Variants in PCDH7 observed in about 807,000 individuals in gnomAD.
PCDH7 encodes protocadherin 7, also known as protocadherin-7.
Under a neutral mutation model 58.9 loss-of-function variants are expected in PCDH7, and 17 were observed. The ratio of observed to expected loss-of-function variants is 0.29; its 90% CI spans 0.20 to 0.43. PCDH7 has a LOEUF of 0.43. Ranked by LOEUF, PCDH7 falls within the 20% of genes least tolerant of loss-of-function variation. The pLI is 1.00. For synonymous variants in PCDH7, 664 were observed against 616.4 expected (o/e 1.08, Z -1.14); for missense variants, 1,274 against 1,441.0 (o/e 0.88, Z 1.88).
At chr4:31,142,559 C>A (rs549332673) in exon 4 of PCDH7, 2 of 1,367,726 alleles carry the variant, frequency 1.5e-6, no homozygotes, top group Admixed American at 1.9e-5. Flanking sequence ...CTGCTGGATG[C>A]CGGTCCGCAC....
chr4:30,736,535 A>ATTTTTTT (rs35719962), downstream of PCDH7, among the ~76,000 whole-genome samples: 1 of 134,576 alleles, frequency 7.4e-6, no homozygotes, highest in Admixed American at 7.4e-5. Context: ...ATTTTCATTT[A>ATTTTTTT]TTTTTTTTTT....
chr4:31,045,360 A>C (rs1459295981), intron 3 of PCDH7, among the ~76,000 whole-genome samples: 1 of 151,902 alleles, frequency 6.6e-6, no homozygotes, highest in Non-Finnish European at 1.5e-5. Flanking sequence ...TGTACACAGT[A>C]TCTCTCTCTG....
intron 3 of PCDH7, among the ~76,000 whole-genome samples, chr4:31,026,940 G>T (rs961305275): frequency 2.6e-5 from 4 of 152,100 alleles, no homozygotes; most frequent in African/African-American, 7.2e-5. Context: ...TAGTATTCTC[G>T]CAAAGGCTTC....
chr4:30,861,690 T>C (rs950485850), intron 1 of PCDH7, among the ~76,000 whole-genome samples: 2 of 152,196 alleles, frequency 1.3e-5, no homozygotes, highest in Non-Finnish European at 2.9e-5. Flanking sequence ...AGCTTTGCTT[T>C]TGTTGTTGCT....
At chr4:30,852,443 T>A (rs1270853908) in intron 1 of PCDH7, among the ~76,000 whole-genome samples, 10 of 152,076 alleles carry the variant, frequency 6.6e-5, no homozygotes, top group Admixed American at 3.3e-4. Context: ...GGATAATGTG[T>A]CCTTCAGCAA....
chr4:30,779,647 T>C (rs957974570), intron 1 of PCDH7, among the ~76,000 whole-genome samples: 2 of 152,208 alleles, frequency 1.3e-5, no homozygotes, highest in Non-Finnish European at 2.9e-5. Context: ...AAACTGTTTG[T>C]AATTTCTAAT....
chr4:30,957,751 G>A (rs1161101367), intron 3 of PCDH7, among the ~76,000 whole-genome samples: 1 of 152,074 alleles, frequency 6.6e-6, no homozygotes, highest in Non-Finnish European at 1.5e-5. Context: ...CATTGTAAGA[G>A]TCTTTTAGTA....
At chr4:30,845,452 T>C (rs554932863) in intron 1 of PCDH7, among the ~76,000 whole-genome samples, 1 of 152,268 alleles carries the variant, frequency 6.6e-6, no homozygotes, top group South Asian at 2.1e-4. Flanking sequence ...AACCTTATAA[T>C]ACATCTAAAT....
chr4:30,737,312 C>T (rs747049889), downstream of PCDH7, among the ~76,000 whole-genome samples: 1 of 152,192 alleles, frequency 6.6e-6, no homozygotes, highest in Non-Finnish European at 1.5e-5. Context: ...TCTCTAACCT[C>T]TTTTTCAGTT....
chr4:31,070,238 G>A (rs1463769644), intron 3 of PCDH7, among the ~76,000 whole-genome samples: 1 of 151,894 alleles, frequency 6.6e-6, no homozygotes, highest in Non-Finnish European at 1.5e-5. Flanking sequence ...TTTACCTATA[G>A]TAGGATTTAT....
intron 1 of PCDH7, among the ~76,000 whole-genome samples, chr4:30,801,775 G>A (rs1725554066): frequency 6.6e-6 from 1 of 152,162 alleles, no homozygotes; most frequent in East Asian, 1.9e-4. Context: ...GCTCCAGAGG[G>A]TAGAAGTAAA....
intron 3 of PCDH7, among the ~76,000 whole-genome samples, chr4:31,112,293 G>A (rs947811447): frequency 1.3e-5 from 2 of 152,030 alleles, no homozygotes; most frequent in African/African-American, 4.8e-5. Flanking sequence ...TTATTCTTAT[G>A]GTTATCCATA....
intron 1 of PCDH7, among the ~76,000 whole-genome samples, chr4:30,814,270 T>C (rs560109949): frequency 7.2e-5 from 11 of 152,162 alleles, no homozygotes; most frequent in African/African-American, 2.6e-4. Context: ...TAAATATATA[T>C]TGAAGAAAGC....
In PCDH7 at chr4:31,019,475, G is replaced by A. The variant is rs56674207; in HGVS notation, c.*7+69260G>A. 2.7e-3 allele frequency among the ~76,000 whole-genome samples: 414 copies of A among 152,092 alleles called. 2 individuals are homozygous for A. Among genetic ancestry groups the A allele is most frequent in the African/African-American group, 9.6e-3 (397 of 41,512 alleles). On this transcript the variant is annotated intron_variant, in intron 3 of 3. Transcript: ENST00000509759. ...TCTCAGCACTTTGGGAGGCCAAGGCGGGTGGATCATCTGAGGTCAAGAGTT... is the reference window on the plus strand; with the variant it reads ...TCTCAGCACTTTGGGAGGCCAAGGCAGGTGGATCATCTGAGGTCAAGAGTT...
chr4:31,138,811 G>C (rs1176698617), intron 3 of PCDH7, among the ~76,000 whole-genome samples: 6 of 151,776 alleles, frequency 4.0e-5, no homozygotes, highest in South Asian at 2.1e-4. Flanking sequence ...ATTGTATTTT[G>C]AAACAATACA....
At chr4:30,927,690 A>T (rs1167460247) in intron 2 of PCDH7, among the ~76,000 whole-genome samples, 1 of 152,040 alleles carries the variant, frequency 6.6e-6, no homozygotes. Context: ...CCACTCTCTA[A>T]TCTCAAGTAC....
chr4:31,071,142 G>A (rs1466142352), intron 3 of PCDH7, among the ~76,000 whole-genome samples: 3 of 151,956 alleles, frequency 2.0e-5, no homozygotes, highest in African/African-American at 7.2e-5. Flanking sequence ...GTAATTCAAA[G>A]CTCATTCACA....
chr4:30,803,756 G>A (rs1257825441), intron 1 of PCDH7, among the ~76,000 whole-genome samples: 1 of 152,192 alleles, frequency 6.6e-6, no homozygotes, highest in African/African-American at 2.4e-5. Context: ...ATACACTGAT[G>A]TAGTACTGTG....
At chr4:31,029,063 G>C (rs1183318559) in intron 3 of PCDH7, among the ~76,000 whole-genome samples, 1 of 152,208 alleles carries the variant, frequency 6.6e-6, no homozygotes, top group Non-Finnish European at 1.5e-5. Flanking sequence ...ACCACCTGAA[G>C]TGTAGCAAAT....
Sources: allele counts gnomAD v4.1 joint callset (sites outside exome capture counted in the v4.1 genomes callset), GRCh38; gene constraint gnomAD v4.1.1; transcripts MANE v1.5; gene names NCBI Gene and HGNC (gene_info 2026-07-23, HGNC 2026-07-21).